The following THBS4 variants were observed in gnomAD, a reference collection of about 807,000 sequenced individuals.
THBS4 encodes thrombospondin-4.
THBS4 carries 90 observed loss-of-function variants against 115.7 expected under a neutral mutation model. That is an observed-to-expected ratio of 0.78 (90% CI 0.66 to 0.93). The LOEUF (loss-of-function observed/expected upper bound fraction) is 0.93. THBS4 is among the 40% of genes least tolerant of loss of function. THBS4 has a pLI of 0.00. For missense variants in THBS4, 1,087 were observed against 1,232.7 expected (o/e 0.88, Z 1.77); for synonymous variants, 460 against 479.3 (o/e 0.96, Z 0.53).
chr5:80,014,855 G>T (rs1468081158), intron 2 of THBS4, among the ~76,000 whole-genome samples: 1 of 152,232 alleles, frequency 6.6e-6, no homozygotes, highest in African/African-American at 2.4e-5. Context: ...GGAGAACCAG[G>T]TGTTAATCCA....
Position 80,079,265 on chromosome 5 carries a change from G to A in THBS4, c.2511+7G>A, listed in dbSNP as rs780750413. 1.3e-6 allele frequency: 2 copies of A among 1,584,638 alleles called. No individual in the cohort carries two copies. The highest frequency in any genetic ancestry group is 1.7e-6 in the Non-Finnish European group (2 of 1,164,954). On this transcript the variant is annotated splice_region_variant and intron_variant, in intron 19 of 21. Transcript: ENST00000350881. ...ACCTGGCATTCAGCTCAAGGTATTG[G>A]TGGTTTGAAGTCATTCATCTCCCTT...
chr5:80,039,988 G>C, intron 1 of THBS4, 89 bp from the exon 2 acceptor site: 1 of 1,181,546 alleles, frequency 8.5e-7, no homozygotes, highest in South Asian at 1.2e-5. Flanking sequence ...GTAGCTTACT[G>C]TCAAATTGCA....
intron 2 of THBS4, among the ~76,000 whole-genome samples, chr5:80,001,302 G>A (rs1453442359): frequency 2.0e-5 from 3 of 152,070 alleles, no homozygotes; most frequent in Non-Finnish European, 2.9e-5. Context: ...TAACAGAACC[G>A]GCAGTGGCAT....
intron 9 of THBS4, chr5:80,067,674 G>C: frequency 8.8e-6 from 2 of 227,120 alleles, no homozygotes; most frequent in East Asian, 9.8e-5. Flanking sequence ...CTTTTGACCT[G>C]TCCCCTATGC....
At chr5:80,018,747 G>A (rs1832302489) in intron 2 of THBS4, among the ~76,000 whole-genome samples, 2 of 151,962 alleles carry the variant, frequency 1.3e-5, no homozygotes, top group Non-Finnish European at 2.9e-5. Context: ...ATTTTCAAAT[G>A]TCTGTTTTAT....
intron 2 of THBS4, among the ~76,000 whole-genome samples, chr5:80,001,788 A>G (rs1445132873): frequency 6.6e-6 from 1 of 152,190 alleles, no homozygotes; most frequent in African/African-American, 2.4e-5. Flanking sequence ...TCAGAGGCCT[A>G]TTTACCCACA....
chr5:80,063,036 T>C (rs2112108891), intron 8 of THBS4, among the ~76,000 whole-genome samples: 1 of 152,326 alleles, frequency 6.6e-6, no homozygotes, highest in South Asian at 2.1e-4. Flanking sequence ...TTATAAGCCT[T>C]TGGGTATATG....
chr5:80,040,910 G>A (rs907054964), intron 2 of THBS4, among the ~76,000 whole-genome samples: 4 of 152,108 alleles, frequency 2.6e-5, no homozygotes, highest in Non-Finnish European at 4.4e-5. Context: ...AACCTGAGGG[G>A]CACCGTAGCT....
At chr5:80,055,227 C>G (rs435610) in intron 2 of THBS4, among the ~76,000 whole-genome samples, 1 of 151,834 alleles carries the variant, frequency 6.6e-6, no homozygotes, top group East Asian at 2.0e-4. Flanking sequence ...GAGGCTAAGA[C>G]AGAAGGATGA....
At chr5:80,058,642 G>T in intron 4 of THBS4, 66 bp from the exon 5 acceptor site, 1 of 1,336,942 alleles carries the variant, frequency 7.5e-7, no homozygotes, top group South Asian at 1.2e-5. Flanking sequence ...GGAATAATTT[G>T]GTTTTGAGTC....
rs751892426 is a variant in THBS4, at chr5:80,058,830, C to T, written c.732+40C>T. 2.5e-6 allele frequency: 4 copies of T among 1,572,816 alleles called. No homozygotes were observed. The African/African-American group carries it at 5.4e-5, about 21-fold the overall frequency. On this transcript the variant is annotated intron_variant, in intron 5 of 21. Transcript: ENST00000350881. ...ATATCATCAGAAAAGCCCTCGTCTT[C>T]TTAGAGCAGCTCCCCACAAGCTAGT... is the stretch of plus-strand genomic sequence containing the variant.
intron 2 of THBS4, among the ~76,000 whole-genome samples, chr5:80,055,088 G>A (rs1561312166): frequency 1.3e-5 from 2 of 152,086 alleles, no homozygotes; most frequent in South Asian, 2.1e-4. Context: ...TTGGGAGGCC[G>A]AGGCAGGTGG....
At chr5:80,034,297 T>C (rs1187008122), upstream of THBS4, among the ~76,000 whole-genome samples, 4 of 152,156 alleles carry the variant, frequency 2.6e-5, no homozygotes, top group African/African-American at 9.7e-5. Context: ...TGAGTGATAA[T>C]TGGTGTCAGG....
At chr5:80,022,412 T>C (rs1490463901) in intron 2 of THBS4, among the ~76,000 whole-genome samples, 2 of 152,236 alleles carry the variant, frequency 1.3e-5, no homozygotes, top group Non-Finnish European at 2.9e-5. Flanking sequence ...TTCTTCCAAT[T>C]CTTGCAGAGA....
Position 79,998,663 on chromosome 5 carries a change from A to G in THBS4, n.177+236A>G, listed in dbSNP as rs767829630. ...TACAGTAGATGTTACAATTGGGGGA[A>G]ACATCCCTGTACATTTATTTTACAA... On this transcript the variant is annotated intron_variant and non_coding_transcript_variant, in intron 2 of 3. Coordinates refer to the THBS4 transcript ENST00000510218. Among the ~76,000 whole-genome samples, 3 of 152,370 alleles carry G rather than the reference A, an allele frequency of 2.0e-5. No individual in the cohort carries two copies. The South Asian group carries it at 6.2e-4, about 32-fold the overall frequency.
intron 2 of THBS4, among the ~76,000 whole-genome samples, chr5:80,008,727 A>C (rs529009926): frequency 2.0e-4 from 30 of 152,286 alleles, no homozygotes; most frequent in African/African-American, 6.3e-4. Flanking sequence ...TCAATGCTTA[A>C]CAGCACCCCT....
intron 3 of THBS4, among the ~76,000 whole-genome samples, chr5:80,057,970 C>T (rs969752357): frequency 2.0e-5 from 3 of 152,224 alleles, no homozygotes; most frequent in Non-Finnish European, 4.4e-5. Context: ...GTTTTCTCAG[C>T]TGTCTTGGTG....
rs750986649 is a variant in THBS4, at chr5:80,071,151, A to G, written c.1691A>G (p.Asp564Gly). The G allele has an allele frequency of 1.3e-6, 2 of 1,590,664 alleles. No homozygotes were observed. Among genetic ancestry groups the G allele is most frequent in the Non-Finnish European group, 8.5e-7 (1 of 1,172,984 alleles). Residue 564 changes from aspartate to glycine, a missense_variant, in exon 13 of 22, where the codon GAT (aspartate) becomes GGT (glycine). By Grantham distance (94) the Asp-to-Gly change is moderately conservative. Coordinates refer to ENST00000350881, the MANE Select transcript of THBS4 (RefSeq NM_003248.6). Reference protein sequence around the residue: ...QKDTDGDGRGDACDDDMDGDG... With the variant: ...QKDTDGDGRGGACDDDMDGDG... The stretch of plus-strand genomic sequence containing the variant: ...GACACCGATGGGGATGGAAGAGGAG[A>G]TGCCTGTGATGATGACATGGATGGA...
At position 80,070,657 on chromosome 5, in the gene THBS4, T is replaced by C. The variant is rs374714873; in HGVS notation, c.1467T>C (p.Tyr489=). ...TTCCCCCTAAGGACAACTGCAAATA[T>C]GTGCCAAATTCTGGCCAAGAAGATG... ...ARNCKKDNCK[Y]VPNSGQEDAD... The change falls in exon 12 of 22, where the codon TAT becomes TAC. Residue 489 remains tyrosine, a synonymous_variant. Coordinates refer to ENST00000350881, the MANE Select transcript of THBS4 (RefSeq NM_003248.6). The C allele has an allele frequency of 2.5e-6, 4 of 1,614,042 alleles. No homozygotes were observed. The highest frequency in any genetic ancestry group is 2.7e-5 in the African/African-American group (2 of 74,928).
Sources: gnomAD v4.1 joint callset for allele counts (sites outside exome capture counted in the v4.1 genomes callset) on GRCh38, gnomAD v4.1.1 for gene constraint, MANE v1.5 for transcripts, NCBI Gene and HGNC (gene_info 2026-07-23, HGNC 2026-07-21) for gene names.